Variants in CALD1 observed in about 807,000 individuals in gnomAD.
The protein encoded by CALD1 is caldesmon 1.
In CALD1, 33 loss-of-function variants were observed where a neutral mutation model predicts 99.9. The ratio of observed to expected loss-of-function variants is 0.33; its 90% CI spans 0.25 to 0.44. The LOEUF is 0.44. Among genes scored for constraint, CALD1 ranks in the 20% least tolerant of loss-of-function variants. CALD1 has a pLI of 1.00. For synonymous variants in CALD1, 310 were observed against 325.0 expected (o/e 0.95, Z 0.50); for missense variants, 861 against 962.1 (o/e 0.89, Z 1.39).
At chr7:134,722,401 A>G in the CALD1 span, among the ~76,000 whole-genome samples, 1 of 149,998 alleles carries the variant, frequency 6.7e-6, no homozygotes, top group African/African-American at 2.5e-5. Flanking sequence ...TTGTTTATTT[A>G]TTTATTTATT....
intron 1 of CALD1, among the ~76,000 whole-genome samples, chr7:134,821,620 T>C (rs1798783095): frequency 1.3e-5 from 1 of 76,208 alleles, no homozygotes; most frequent in Non-Finnish European, 2.9e-5. Context: ...TCTCGCTCCG[T>C]CACCCAGGCT....
At chr7:134,765,325 A>AG (rs1796816070) in intron 1 of CALD1, among the ~76,000 whole-genome samples, 1 of 152,104 alleles carries the variant, frequency 6.6e-6, no homozygotes, top group Non-Finnish European at 1.5e-5. Flanking sequence ...GAAAAAAAAA[A>AG]AAAAGAAAGA....
intron 1 of CALD1, among the ~76,000 whole-genome samples, chr7:134,820,372 A>T (rs1798726589): frequency 6.6e-6 from 1 of 152,220 alleles, no homozygotes; most frequent in African/African-American, 2.4e-5. Context: ...TGAAAAATAA[A>T]ATCTAGGAGA....
intron 3 of CALD1, among the ~76,000 whole-genome samples, chr7:134,891,077 G>A (rs2132502209): frequency 6.6e-6 from 1 of 152,242 alleles, no homozygotes; most frequent in African/African-American, 2.4e-5. Context: ...ACTTTTTGGT[G>A]GGCTGATTTC....
At chr7:134,816,192 T>G (rs1335423699) in intron 1 of CALD1, among the ~76,000 whole-genome samples, 2 of 152,202 alleles carry the variant, frequency 1.3e-5, no homozygotes, top group African/African-American at 2.4e-5. Flanking sequence ...GACTATAGGC[T>G]TTAAAAAAGC....
chr7:134,863,116 A>G (rs1363764784), intron 2 of CALD1, among the ~76,000 whole-genome samples: 1 of 152,194 alleles, frequency 6.6e-6, no homozygotes, highest in East Asian at 1.9e-4. Context: ...GACCACCCTA[A>G]TCACCTCATC....
At chr7:134,711,734 CTCTG>C in the CALD1 span, among the ~76,000 whole-genome samples, 31 of 114,484 alleles carry the variant, frequency 2.7e-4, no homozygotes, top group Admixed American at 4.3e-4. Context: ...GTGTCTCTCT[CTCTG>C]TCTCTGTCTG....
intron 1 of CALD1, among the ~76,000 whole-genome samples, chr7:134,765,530 T>G (rs1442709982): frequency 2.6e-5 from 4 of 152,162 alleles, no homozygotes; most frequent in Non-Finnish European, 5.9e-5. Flanking sequence ...TGCGATTCCA[T>G]GTACATCTGC....
intron 6 of CALD1, among the ~76,000 whole-genome samples, chr7:134,937,741 C>G (rs1262455659): frequency 2.6e-5 from 4 of 151,942 alleles, no homozygotes; most frequent in African/African-American, 9.7e-5. Flanking sequence ...ACAAACATCA[C>G]GTGAGCCTTC....
intron 2 of CALD1, among the ~76,000 whole-genome samples, chr7:134,863,727 T>C (rs952590053): frequency 2.0e-5 from 3 of 152,292 alleles, no homozygotes; most frequent in East Asian, 1.9e-4. Context: ...CATTTCTTGG[T>C]TGAAAGATGC....
At chr7:134,728,224 T>G in the CALD1 span, among the ~76,000 whole-genome samples, 1 of 152,084 alleles carries the variant, frequency 6.6e-6, no homozygotes, top group Non-Finnish European at 1.5e-5. Flanking sequence ...AAAGACAAAC[T>G]TCAGCTGAAT....
intron 7 of CALD1, 42 bp downstream of exon 7, chr7:134,941,279 CA>C: frequency 7.2e-7 from 1 of 1,385,736 alleles, no homozygotes; most frequent in Non-Finnish European, 9.7e-7. Context: ...TGTTCACATG[CA>C]AAGAAAAAAA....
intron 5 of CALD1, among the ~76,000 whole-genome samples, chr7:134,934,580 T>C (rs1805811581): frequency 6.6e-6 from 1 of 152,084 alleles, no homozygotes; most frequent in South Asian, 2.1e-4. Context: ...GTCAGACATT[T>C]CATCTTAAGA....
chr7:134,958,531 G>A (rs1330840694), intron 11 of CALD1, among the ~76,000 whole-genome samples: 1 of 149,716 alleles, frequency 6.7e-6, no homozygotes, highest in East Asian at 2.0e-4. Flanking sequence ...TCAACCTCCC[G>A]AGTAGCTGGG....
rs527543941 is a variant in CALD1, at chr7:134,920,676, A to T, written c.72-8078A>T. The T allele has an allele frequency of 1.8e-5, 23 of 1,289,348 alleles. No homozygotes were observed. The South Asian group carries it at 2.6e-4, about 15-fold the overall frequency. 79.9% of individuals were successfully genotyped at this position (1,289,348 alleles called of 1,614,324 possible). On this transcript the variant is annotated intron_variant, in intron 3 of 14. Coordinates refer to ENST00000361675, the MANE Select transcript of CALD1 (RefSeq NM_033138.4). ...AAGTGGACAGACAGTGGAATGCAGA[A>T]ATTTTAGAGCTGATCTTGGGGACCG...
chr7:134,741,616 G>T (rs548042099), upstream of CALD1, among the ~76,000 whole-genome samples: 93 of 152,224 alleles, frequency 6.1e-4, no homozygotes, highest in Non-Finnish European at 1.1e-3. Flanking sequence ...TTGCTTTAGT[G>T]CCCAATGCAT....
At chr7:134,928,615 A>G in intron 3 of CALD1, 139 bp from the exon 4 acceptor site, 1 of 704,064 alleles carries the variant, frequency 1.4e-6, no homozygotes, top group Admixed American at 3.3e-5. Flanking sequence ...AAACTTAAGG[A>G]ACTGAACCAT....
At chr7:134,806,594 T>A (rs1005630004) in intron 1 of CALD1, among the ~76,000 whole-genome samples, 1 of 152,228 alleles carries the variant, frequency 6.6e-6, no homozygotes, top group Non-Finnish European at 1.5e-5. Flanking sequence ...GCAACATTTA[T>A]GCATTTGAAG....
At chr7:134,715,011 G>A in the CALD1 span, among the ~76,000 whole-genome samples, 3 of 152,222 alleles carry the variant, frequency 2.0e-5, no homozygotes, top group East Asian at 1.9e-4. Context: ...GAGCAGCTGC[G>A]TTTTCCTTAT....
Sources: gnomAD v4.1 joint callset for allele counts (sites outside exome capture counted in the v4.1 genomes callset) on GRCh38, gnomAD v4.1.1 for gene constraint, MANE v1.5 for transcripts, NCBI Gene and HGNC (gene_info 2026-07-23, HGNC 2026-07-21) for gene names.